STAB2: variants seen among roughly 807,000 people sequenced by gnomAD.
STAB2 encodes the protein stabilin-2.
Under a neutral mutation model 338.1 loss-of-function variants are expected in STAB2, and 288 were observed. That is an observed-to-expected ratio of 0.85 (90% CI 0.77 to 0.94). The LOEUF (loss-of-function observed/expected upper bound fraction) is 0.94. Among genes scored for constraint, STAB2 ranks in the 40% least tolerant of loss-of-function variants. STAB2 has a pLI of 0.00. For synonymous variants in STAB2, 1,202 were observed against 1,193.3 expected (o/e 1.01, Z -0.15); for missense variants, 3,141 against 3,210.1 (o/e 0.98, Z 0.52).
chr12:103,699,032 G>T (rs1045390405), intron 33 of STAB2, 64 bp from the exon 34 acceptor site: 27 of 1,550,018 alleles, frequency 1.7e-5, no homozygotes, highest in Non-Finnish European at 2.3e-5. Flanking sequence ...GACAGCACAT[G>T]GGAGAAGCTG....
intron 5 of STAB2, among the ~76,000 whole-genome samples, chr12:103,630,773 A>G (rs776299877): frequency 6.6e-6 from 1 of 152,226 alleles, no homozygotes; most frequent in African/African-American, 2.4e-5. Flanking sequence ...AAGACAAAAG[A>G]AAAGATTCTC....
At chr12:103,628,088 G>T (rs916394310) in intron 5 of STAB2, among the ~76,000 whole-genome samples, 18 of 152,146 alleles carry the variant, frequency 1.2e-4, no homozygotes, top group Admixed American at 5.9e-4. Flanking sequence ...TCCAGAACTT[G>T]TTTATTCCAA....
At position 103,668,666 on chromosome 12, in the gene STAB2, CT is replaced by C; in HGVS notation, c.2110del (p.Tyr704ThrfsTer8). The C allele has an allele frequency of 1.3e-6, 2 of 1,552,094 alleles. No individual in the cohort carries two copies. Among genetic ancestry groups the C allele is most frequent in the Non-Finnish European group, 1.7e-6 (2 of 1,147,200 alleles). On this transcript the variant is annotated frameshift_variant, in exon 20 of 69. Transcript: ENST00000388887. LOFTEE classifies it high-confidence loss of function. ...PTALFTHRCV[Y>X]SGRFGSLKSG... ...AGGCACTCTTCACACACAGATGTGT[CT>C]ACAGTGGCAGGTTTGGGAGCCTGAA...
intron 8 of STAB2, among the ~76,000 whole-genome samples, chr12:103,638,573 T>A (rs1424638392): frequency 6.6e-6 from 1 of 152,256 alleles, no homozygotes; most frequent in African/African-American, 2.4e-5. Context: ...AATGGCTTTC[T>A]AATTTAAAAG....
intron 63 of STAB2, chr12:103,757,873 A>C: frequency 1.2e-4 from 46 of 375,192 alleles, no homozygotes; most frequent in East Asian, 2.8e-4. Context: ...GTGGGGGGCC[A>C]CTGCAGGATT....
intron 28 of STAB2, among the ~76,000 whole-genome samples, chr12:103,688,665 G>A (rs1264359584): frequency 6.6e-6 from 1 of 152,176 alleles, no homozygotes; most frequent in Non-Finnish European, 1.5e-5. Flanking sequence ...ATAGACACAT[G>A]CCAAATAGTC....
Position 103,695,779 on chromosome 12 carries a change from A to C in STAB2, c.3517A>C (p.Thr1173Pro), listed in dbSNP as rs746896380. The C allele has an allele frequency of 6.2e-7, 1 of 1,614,200 alleles. No individual in the cohort carries two copies. The highest frequency in any genetic ancestry group is 1.3e-5 in the African/African-American group (1 of 75,048). Residue 1173 changes from threonine (T) to proline (P), a missense_variant, in exon 33 of 69, where the codon ACA becomes CCA. By Grantham distance (38) the Thr-to-Pro change is conservative (BLOSUM62 -1). Coordinates refer to ENST00000388887, the MANE Select transcript of STAB2 (RefSeq NM_017564.10). Reference sequence around the variant, plus strand: ...TGCAATTGAGGCTGCCGATGCCTACACAGTGTTTGCTCCAAACAACAATGC... The same window carrying C: ...TGCAATTGAGGCTGCCGATGCCTACCCAGTGTTTGCTCCAAACAACAATGC... ...ANAIEAADAY[T>P]VFAPNNNAIE...
At chr12:103,640,823 A>G (rs1046423370) in intron 9 of STAB2, among the ~76,000 whole-genome samples, 1 of 152,184 alleles carries the variant, frequency 6.6e-6, no homozygotes, top group African/African-American at 2.4e-5. Context: ...ACTGATACCT[A>G]CCAGATGCAT....
At chr12:103,764,578 T>TTAA (rs1033310577) in intron 68 of STAB2, among the ~76,000 whole-genome samples, 2 of 152,228 alleles carry the variant, frequency 1.3e-5, no homozygotes, top group African/African-American at 4.8e-5. Context: ...GGAATAGAAC[T>TTAA]TAATTTTTCT....
intron 6 of STAB2, among the ~76,000 whole-genome samples, chr12:103,632,121 G>A (rs534221102): frequency 3.4e-4 from 52 of 152,312 alleles, no homozygotes; most frequent in Admixed American, 1.1e-3. Flanking sequence ...CTTCACCAAC[G>A]CTGAGTGATT....
chr12:103,685,422 C>CTG (rs141365936), intron 27 of STAB2, among the ~76,000 whole-genome samples: 10,951 of 145,804 alleles, frequency 0.075, 475 homozygotes, highest in Admixed American at 0.11. Flanking sequence ...CTTACCCATG[C>CTG]TGTGTGTGTG....
chr12:103,624,827 A>G (rs1957355511), intron 5 of STAB2, among the ~76,000 whole-genome samples: 1 of 151,710 alleles, frequency 6.6e-6, no homozygotes. Flanking sequence ...AATCCCAGCT[A>G]CTTGGGAGGC....
chr12:103,603,554 A>G (rs909161837), intron 3 of STAB2, among the ~76,000 whole-genome samples: 2 of 152,192 alleles, frequency 1.3e-5, no homozygotes, highest in Admixed American at 1.3e-4. Context: ...TGGACCCTCT[A>G]TTCTGTTCCA....
intron 16 of STAB2, 67 bp from the exon 17 acceptor site, chr12:103,660,615 AC>A: frequency 6.6e-7 from 1 of 1,521,832 alleles, no homozygotes; most frequent in Non-Finnish European, 9.1e-7. Flanking sequence ...TCTAGTGAGG[AC>A]TTTAAGAACT....
chr12:103,699,274 A>G (rs778474486), intron 34 of STAB2, 47 bp downstream of exon 34: 13 of 1,577,726 alleles, frequency 8.2e-6, no homozygotes, highest in Non-Finnish European at 1.1e-5. Flanking sequence ...CGAGAATTAC[A>G]TCAGGGAGAG....
intron 15 of STAB2, among the ~76,000 whole-genome samples, chr12:103,655,807 A>T (rs533524639): frequency 2.0e-5 from 3 of 152,300 alleles, no homozygotes; most frequent in Admixed American, 6.5e-5. Flanking sequence ...ATGATCAATT[A>T]GACTTGATAC....
At chr12:103,743,792 T>C (rs779297161) in intron 56 of STAB2, among the ~76,000 whole-genome samples, 2 of 152,146 alleles carry the variant, frequency 1.3e-5, no homozygotes, top group Non-Finnish European at 2.9e-5. Context: ...GAAGCCAGCT[T>C]GGTGTGTACA....
intron 51 of STAB2, among the ~76,000 whole-genome samples, chr12:103,734,386 C>G (rs1881932900): frequency 1.3e-5 from 2 of 150,066 alleles, no homozygotes; most frequent in South Asian, 4.2e-4. Flanking sequence ...CATATAGGAG[C>G]AAGCACAATC....
intron 61 of STAB2, among the ~76,000 whole-genome samples, chr12:103,753,878 T>G (rs1566079335): frequency 6.6e-6 from 1 of 152,130 alleles, no homozygotes; most frequent in Non-Finnish European, 1.5e-5. Flanking sequence ...TAGCTGGGGC[T>G]CTCTCTGGCT....
Sources: gnomAD v4.1 joint callset for allele counts (sites outside exome capture counted in the v4.1 genomes callset) on GRCh38, gnomAD v4.1.1 for gene constraint, MANE v1.5 for transcripts, NCBI Gene and HGNC (gene_info 2026-07-23, HGNC 2026-07-21) for gene names.